GRID1: variants seen among roughly 807,000 people sequenced by gnomAD.
GRID1 encodes the protein glutamate receptor ionotropic, delta-1.
GRID1 carries 28 observed loss-of-function variants against 98.0 expected under a neutral mutation model. The observed-to-expected ratio is 0.29, with a 90% CI of 0.21 to 0.39. GRID1 has a LOEUF of 0.39. Ranked by LOEUF, GRID1 falls within the 10% of genes least tolerant of loss-of-function variation. The probability of loss-of-function intolerance (pLI) is 1.00; values close to 1 mark genes in which losing one functional copy is unlikely to be tolerated. For synonymous variants in GRID1, 553 were observed against 538.5 expected, an observed-to-expected ratio of 1.03 and a Z score of -0.37; for missense variants, 1,111 against 1,340.5, an observed-to-expected ratio of 0.83 and a Z score of 2.67.
intron 4 of GRID1, among the ~76,000 whole-genome samples, chr10:86,138,345 T>C (rs1003320040): frequency 6.6e-6 from 1 of 151,982 alleles, no homozygotes; most frequent in African/African-American, 2.4e-5. Context: ...TTAGCCCAAG[T>C]GCCAAAAAAA....
intron 4 of GRID1, among the ~76,000 whole-genome samples, chr10:86,116,945 C>T (rs1244573872): frequency 6.6e-6 from 1 of 152,086 alleles, no homozygotes; most frequent in Non-Finnish European, 1.5e-5. Flanking sequence ...GCCTGTATAC[C>T]ACCACCATCA....
intron 12 of GRID1, among the ~76,000 whole-genome samples, chr10:85,713,079 T>A (rs1841599884): frequency 6.6e-6 from 1 of 151,120 alleles, no homozygotes; most frequent in African/African-American, 2.4e-5. Flanking sequence ...CAGAAATAAA[T>A]AAAATAGAGA....
At chr10:86,044,843 C>T (rs1474737654) in intron 4 of GRID1, among the ~76,000 whole-genome samples, 1 of 152,182 alleles carries the variant, frequency 6.6e-6, no homozygotes, top group Non-Finnish European at 1.5e-5. Flanking sequence ...GCCAAAAGTA[C>T]ATTCTGTGTA....
intron 4 of GRID1, among the ~76,000 whole-genome samples, chr10:86,037,533 A>T (rs1181313909): frequency 6.6e-6 from 1 of 152,190 alleles, no homozygotes; most frequent in Non-Finnish European, 1.5e-5. Context: ...TTATTCTAAG[A>T]TGTGCTTCCC....
chr10:86,003,745 A>G (rs964831433), intron 4 of GRID1, among the ~76,000 whole-genome samples: 1 of 152,266 alleles, frequency 6.6e-6, no homozygotes, highest in Admixed American at 6.5e-5. Context: ...AGAAATGCAC[A>G]TTATAAGGAG....
At chr10:86,094,285 A>C (rs1257292552) in intron 4 of GRID1, among the ~76,000 whole-genome samples, 2 of 152,222 alleles carry the variant, frequency 1.3e-5, no homozygotes, top group Non-Finnish European at 2.9e-5. Context: ...GAGAACTGGA[A>C]CAAGACAAGG....
chr10:86,284,346 A>T (rs1847399540), intron 2 of GRID1, among the ~76,000 whole-genome samples: 1 of 152,136 alleles, frequency 6.6e-6, no homozygotes, highest in African/African-American at 2.4e-5. Flanking sequence ...TGCATTTTCA[A>T]TTACAAATGG....
chr10:86,003,840 T>G (rs1458137379), intron 4 of GRID1, among the ~76,000 whole-genome samples: 4 of 152,192 alleles, frequency 2.6e-5, no homozygotes, highest in African/African-American at 9.7e-5. Flanking sequence ...AAAAATAAAG[T>G]GTAACGAACT....
At chr10:85,737,407 A>G (rs1301698527) in intron 8 of GRID1, among the ~76,000 whole-genome samples, 1 of 151,928 alleles carries the variant, frequency 6.6e-6, no homozygotes, top group Non-Finnish European at 1.5e-5. Context: ...CACTGGCAAG[A>G]GATCAGTCAT....
intron 6 of GRID1, among the ~76,000 whole-genome samples, chr10:85,867,007 G>T (rs889843382): frequency 1.3e-5 from 2 of 152,136 alleles, no homozygotes; most frequent in African/African-American, 4.8e-5. Flanking sequence ...TCTGGGAGCT[G>T]TGCCTTTGTT....
chr10:85,783,154 A>C (rs1022084860), intron 8 of GRID1, among the ~76,000 whole-genome samples: 1 of 152,210 alleles, frequency 6.6e-6, no homozygotes, highest in Admixed American at 6.5e-5. Flanking sequence ...TGTTTTTGGC[A>C]TTGTAATTAG....
At chr10:85,653,560 G>A (rs1006097143) in intron 12 of GRID1, among the ~76,000 whole-genome samples, 1 of 152,166 alleles carries the variant, frequency 6.6e-6, no homozygotes, top group African/African-American at 2.4e-5. Flanking sequence ...ATGCTGGGGT[G>A]TACACAGGAG....
chr10:86,256,889 A>G (rs1304012132), intron 2 of GRID1, among the ~76,000 whole-genome samples: 2 of 152,178 alleles, frequency 1.3e-5, no homozygotes, highest in Non-Finnish European at 2.9e-5. Context: ...CTGGGTTTAC[A>G]GTAGCTGTGT....
intron 2 of GRID1, among the ~76,000 whole-genome samples, chr10:86,320,469 T>C (rs1415313431): frequency 6.6e-6 from 1 of 152,096 alleles, no homozygotes; most frequent in Non-Finnish European, 1.5e-5. Context: ...TTGTATGAAA[T>C]ATCTGGAGTA....
At chr10:86,251,321 AG>A (rs1183233753) in intron 2 of GRID1, among the ~76,000 whole-genome samples, 4 of 151,760 alleles carry the variant, frequency 2.6e-5, no homozygotes, top group Non-Finnish European at 5.9e-5. Flanking sequence ...CCCCTCTCCG[AG>A]AAACACCCAA....
At chr10:86,262,106 T>C (rs1564722493) in intron 2 of GRID1, among the ~76,000 whole-genome samples, 1 of 152,204 alleles carries the variant, frequency 6.6e-6, no homozygotes, top group Non-Finnish European at 1.5e-5. Flanking sequence ...AAGCCTGCGC[T>C]CTTTACACTG....
intron 2 of GRID1, among the ~76,000 whole-genome samples, chr10:86,267,697 A>C (rs1186423429): frequency 6.6e-6 from 1 of 152,194 alleles, no homozygotes; most frequent in Non-Finnish European, 1.5e-5. Context: ...CAAAAGGGAC[A>C]TGACATCCCA....
At chr10:85,929,294 A>C (rs566551956) in intron 4 of GRID1, among the ~76,000 whole-genome samples, 268 of 152,204 alleles carry the variant, frequency 1.8e-3, no homozygotes, top group Middle Eastern at 0.017. Context: ...TCAAAGGTTT[A>C]ACTCACTCCC....
intron 8 of GRID1, among the ~76,000 whole-genome samples, chr10:85,830,691 G>T (rs554395673): frequency 1.8e-4 from 27 of 152,074 alleles, no homozygotes; most frequent in Non-Finnish European, 3.4e-4. Context: ...TATGCACATA[G>T]CTAACAAGCA....
Sources: gnomAD v4.1 joint callset for allele counts (sites outside exome capture counted in the v4.1 genomes callset) on GRCh38, gnomAD v4.1.1 for gene constraint, MANE v1.5 for transcripts, NCBI Gene and HGNC (gene_info 2026-07-23, HGNC 2026-07-21) for gene names.